Variants in LACTB observed in about 807,000 individuals in gnomAD.
The protein encoded by LACTB is serine beta-lactamase-like protein LACTB, mitochondrial.
LACTB carries 35 observed loss-of-function variants against 50.2 expected under a neutral mutation model. The observed-to-expected ratio is 0.70, with a 90% CI of 0.53 to 0.92. LACTB has a LOEUF of 0.92. LACTB is among the 40% of genes least tolerant of loss of function. The pLI, the probability that LACTB is intolerant of heterozygous loss-of-function variation, is 0.00. For missense variants in LACTB, 664 were observed against 691.8 expected (o/e 0.96, Z 0.45); for synonymous variants, 252 against 268.2 (o/e 0.94, Z 0.59).
intron 2 of LACTB, among the ~76,000 whole-genome samples, chr15:63,124,497 G>T (rs747433915): frequency 1.9e-4 from 29 of 152,078 alleles, no homozygotes; most frequent in Non-Finnish European, 3.8e-4. Context: ...CCAGGTAGAG[G>T]TGTCATCTAT....
intron 5 of LACTB, chr15:63,129,970 G>A (rs371920917): frequency 1.3e-3 from 227 of 179,204 alleles, no homozygotes; most frequent in African/African-American, 5.0e-3. Context: ...CTTTGTTTAC[G>A]TGTTATTAGT....
At chr15:63,132,021 A>G (rs1211138522) in intron 5 of LACTB, among the ~76,000 whole-genome samples, 6 of 151,710 alleles carry the variant, frequency 4.0e-5, no homozygotes, top group African/African-American at 1.5e-4. Context: ...CCCTTTAGAT[A>G]TGTAGCTAAC....
At chr15:63,124,808 G>A (rs988536289) in intron 2 of LACTB, among the ~76,000 whole-genome samples, 3 of 151,970 alleles carry the variant, frequency 2.0e-5, no homozygotes, top group Non-Finnish European at 4.4e-5. Context: ...CAAAAAATTA[G>A]CCAGCCATGC....
chr15:63,141,323 T>C lies in LACTB; in HGVS notation c.1162T>C (p.Tyr388His). ...AAAGAAACGTCTTGTCAACACACCT[T>C]ACGTGGATAACTCCTATAAATGGGC... ...NKKKRLVNTPYVDNSYKWAGG... is the reference protein window; with the variant it reads ...NKKKRLVNTPHVDNSYKWAGG... Residue 388 changes from tyrosine to histidine, a missense_variant, in exon 6 of 6, where the codon TAC becomes CAC. Coordinates refer to ENST00000261893, the MANE Select transcript of LACTB (RefSeq NM_032857.5). The C allele has an allele frequency of 6.2e-7, 1 of 1,614,086 alleles. No homozygotes were observed. Among genetic ancestry groups the C allele is most frequent in the Non-Finnish European group, 8.5e-7 (1 of 1,179,932 alleles).
In LACTB at chr15:63,127,666, A is replaced by C; in HGVS notation, c.929A>C (p.Asn310Thr). Residue 310 changes from asparagine (N) to threonine (T), a missense_variant, in exon 4 of 6, where the codon AAT becomes ACT. Coordinates refer to ENST00000261893, the MANE Select transcript of LACTB (RefSeq NM_032857.5). ...ATTGAATCCCTAAGATTATTTAAAA[A>C]TGATCCTTTGTTCTTCAAACCTGGT... ...NSIESLRLFKNDPLFFKPGSQ... is the reference protein window; with the variant it reads ...NSIESLRLFKTDPLFFKPGSQ... 1 of 1,596,780 alleles carries C rather than the reference A, an allele frequency of 6.3e-7. No individual in the cohort carries two copies. Among genetic ancestry groups the C allele is most frequent in the Non-Finnish European group, 8.6e-7 (1 of 1,168,386 alleles).
chr15:63,134,869 C>T (rs1299320300), intron 5 of LACTB, among the ~76,000 whole-genome samples: 2 of 149,958 alleles, frequency 1.3e-5, no homozygotes, highest in Admixed American at 1.3e-4. Flanking sequence ...GAAATATATT[C>T]CTCACTGTGG....
intron 4 of LACTB, chr15:63,129,212 A>C (rs1180922701): frequency 8.4e-6 from 2 of 238,702 alleles, no homozygotes; most frequent in Non-Finnish European, 1.6e-5. Context: ...GGTAGGATTT[A>C]TTTGCTTACT....
In LACTB at chr15:63,122,073, T is replaced by C. The variant is rs1000558324; in HGVS notation, c.202T>C (p.Ser68Pro). 6.9e-7 allele frequency: 1 copy of C among 1,443,704 alleles called. No homozygotes were observed. Among genetic ancestry groups the C allele is most frequent in the Non-Finnish European group, 9.0e-7 (1 of 1,107,314 alleles). 89.4% of individuals were successfully genotyped at this position (1,443,704 alleles called of 1,614,324 possible). ...GCTGAGGGGCGCGGCCCCGGCGCAG[T>C]CCCCCGCGGCCCCCGACCCTGAGGC... is the stretch of plus-strand genomic sequence containing the variant. Reference protein sequence around the residue: ...GGLRGAAPAQSPAAPDPEASP... With the variant: ...GGLRGAAPAQPPAAPDPEASP... Residue 68 changes from serine (S) to proline (P), a missense_variant, in exon 1 of 6, where the codon TCC (serine) becomes CCC (proline). Ser to Pro is a moderately conservative substitution (Grantham distance 74, BLOSUM62 -1). Transcript: ENST00000261893.
rs779582277 is a variant in LACTB at position 63,141,649 on chromosome 15, G to C, written c.1488G>C (p.Leu496=). ...TGGAVGASSV[L]LVLPEELDTE... ...GGGCAGTGGGTGCCAGTAGTGTCCT[G>C]CTGGTCCTTCCTGAAGAACTGGATA... The change falls in exon 6 of 6, where the codon CTG becomes CTC. Residue 496 remains leucine (L), a synonymous_variant. Transcript: ENST00000261893. 3.1e-6 allele frequency: 5 copies of C among 1,614,186 alleles called. No individual in the cohort carries two copies. Among genetic ancestry groups the C allele is most frequent in the Middle Eastern group, 3.3e-4 (2 of 6,062 alleles).
chr15:63,128,441 A>T (rs2037084064), intron 4 of LACTB, among the ~76,000 whole-genome samples: 1 of 152,128 alleles, frequency 6.6e-6, no homozygotes, highest in African/African-American at 2.4e-5. Flanking sequence ...TCCAAAAAAA[A>T]TTTTAAATTA....
intron 2 of LACTB, among the ~76,000 whole-genome samples, chr15:63,123,062 C>A (rs1184862081): frequency 1.3e-5 from 2 of 152,178 alleles, no homozygotes; most frequent in African/African-American, 4.8e-5. Context: ...TATATTTTAT[C>A]TTATATATAC....
chr15:63,122,032 T>C lies in LACTB; in HGVS notation c.161T>C (p.Val54Ala), dbSNP rs1595712251. 2.1e-6 allele frequency: 3 copies of C among 1,412,716 alleles called. No homozygotes were observed. The East Asian group carries it at 9.1e-5, about 43-fold the overall frequency. The allele number at this position is 1,412,716 out of a possible 1,614,324, so 87.5% of individuals were successfully genotyped here. A position where few individuals can be genotyped will look rare whatever the true frequency, so the allele number is the denominator to read the frequency against. The stretch of plus-strand genomic sequence containing the variant: ...CTGGGGCTGGGGCTGGCGCTCGGGG[T>C]GAAGCTGGCAGGTGGGCTGAGGGGC... ...LGLGLGLALGVKLAGGLRGAA... is the reference protein window; with the variant it reads ...LGLGLGLALGAKLAGGLRGAA... The change falls in exon 1 of 6, where the codon GTG becomes GCG. Residue 54 changes from valine to alanine, a missense_variant. Physicochemically the swap from Val to Ala is moderately conservative, Grantham distance 64. Transcript: ENST00000261893.
intron 4 of LACTB, among the ~76,000 whole-genome samples, chr15:63,128,572 G>C (rs2141071866): frequency 6.6e-6 from 1 of 152,238 alleles, no homozygotes; most frequent in African/African-American, 2.4e-5. Context: ...CTTTACTCTA[G>C]CTTGGGCAAC....
At chr15:63,137,083 C>T (rs115366099) in intron 5 of LACTB, among the ~76,000 whole-genome samples, 363 of 152,284 alleles carry the variant, frequency 2.4e-3, no homozygotes, top group African/African-American at 8.4e-3. Flanking sequence ...GTAAGGGAGG[C>T]AAGAGAATTG....
intron 5 of LACTB, among the ~76,000 whole-genome samples, chr15:63,138,717 T>G (rs1401237889): frequency 6.6e-6 from 1 of 152,062 alleles, no homozygotes; most frequent in African/African-American, 2.4e-5. Flanking sequence ...AGTCTTAATG[T>G]AAGTGGTTTG....
At chr15:63,140,498 T>G (rs2037218262) in intron 5 of LACTB, among the ~76,000 whole-genome samples, 1 of 152,182 alleles carries the variant, frequency 6.6e-6, no homozygotes, top group African/African-American at 2.4e-5. Context: ...CCTACTTCAC[T>G]CAATATTATG....
rs2037069697 is a variant in LACTB, at chr15:63,127,548, A to C, written c.811A>C (p.Asn271His). The change falls in exon 4 of 6, where the codon AAT becomes CAT. Residue 271 changes from asparagine (N) to histidine (H), a missense_variant. By Grantham distance (68) the Asn-to-His change is moderately conservative. Coordinates refer to ENST00000261893, the MANE Select transcript of LACTB (RefSeq NM_032857.5). ...DFTKFKTEQENEAKCRNSKPG... is the reference protein window; with the variant it reads ...DFTKFKTEQEHEAKCRNSKPG... ...TACTAAATTTAAAACAGAGCAGGAG[A>C]ATGAAGCCAAATGCCGGAATTCAAA... 1 of 1,613,826 alleles carries C rather than the reference A, an allele frequency of 6.2e-7. No individual in the cohort carries two copies. Among genetic ancestry groups the C allele is most frequent in the Non-Finnish European group, 8.5e-7 (1 of 1,179,938 alleles).
chr15:63,134,025 A>C (rs1342700918), intron 5 of LACTB, among the ~76,000 whole-genome samples: 2 of 152,246 alleles, frequency 1.3e-5, no homozygotes, highest in East Asian at 3.8e-4. Flanking sequence ...TCAGAAGTTT[A>C]TAAAATGGCC....
intron 5 of LACTB, chr15:63,129,962 T>A (rs2037108412): frequency 5.3e-6 from 1 of 190,406 alleles, no homozygotes; most frequent in South Asian, 1.8e-4. Context: ...AACTAATACT[T>A]TGTTTACGTG....
Sources: gnomAD v4.1 joint callset for allele counts (sites outside exome capture counted in the v4.1 genomes callset) on GRCh38, gnomAD v4.1.1 for gene constraint, MANE v1.5 for transcripts, NCBI Gene and HGNC (gene_info 2026-07-23, HGNC 2026-07-21) for gene names.